RIT2: variants seen among roughly 807,000 people sequenced by gnomAD.
RIT2 encodes the protein Ras like without CAAX 2.
Under a neutral mutation model 23.7 loss-of-function variants are expected in RIT2, and 24 were observed. The ratio of observed to expected loss-of-function variants is 1.01; its 90% confidence interval spans 0.73 to 1.43. RIT2 has a LOEUF of 1.43. Among genes scored for constraint, RIT2 ranks in the 40% most tolerant of loss-of-function variants. The pLI, the probability that RIT2 is intolerant of heterozygous loss-of-function variation, is 0.00. For synonymous variants in RIT2, 107 were observed against 91.1 expected (o/e 1.17, Z -0.99); for missense variants, 236 against 266.9 (o/e 0.88, Z 0.81).
At chr18:42,994,418 A>G (rs1910929543) in intron 2 of RIT2, among the ~76,000 whole-genome samples, 2 of 152,180 alleles carry the variant, frequency 1.3e-5, no homozygotes, top group Non-Finnish European at 2.9e-5. Context: ...CTTCCTAGGC[A>G]TGGTTGGATA....
intron 4 of RIT2, among the ~76,000 whole-genome samples, chr18:42,875,031 T>C (rs937115368): frequency 1.3e-5 from 2 of 152,130 alleles, no homozygotes; most frequent in African/African-American, 4.8e-5. Context: ...AGAACCAGAA[T>C]AGTCAGCATG....
intron 3 of RIT2, among the ~76,000 whole-genome samples, chr18:42,930,427 C>G (rs1909298865): frequency 6.6e-6 from 1 of 151,870 alleles, no homozygotes; most frequent in African/African-American, 2.4e-5. Context: ...AAACGTATCT[C>G]ACATTAGATA....
chr18:42,775,983 T>C (rs1393516689), intron 4 of RIT2, among the ~76,000 whole-genome samples: 2 of 152,136 alleles, frequency 1.3e-5, no homozygotes, highest in Non-Finnish European at 2.9e-5. Context: ...AGGCAATAAA[T>C]TGATGTGATG....
At chr18:43,006,486 A>G (rs1417965037) in intron 2 of RIT2, among the ~76,000 whole-genome samples, 1 of 151,604 alleles carries the variant, frequency 6.6e-6, no homozygotes, top group Non-Finnish European at 1.5e-5. Context: ...CAAGATATTA[A>G]ATAACATAAA....
At chr18:42,925,009 A>G (rs1360266009) in intron 3 of RIT2, among the ~76,000 whole-genome samples, 1 of 152,036 alleles carries the variant, frequency 6.6e-6, no homozygotes, top group Non-Finnish European at 1.5e-5. Context: ...TCAAGCAATC[A>G]TTTCTAAGTT....
At chr18:43,073,015 A>G (rs1912933039) in intron 1 of RIT2, among the ~76,000 whole-genome samples, 1 of 152,120 alleles carries the variant, frequency 6.6e-6, no homozygotes, top group Admixed American at 6.5e-5. Context: ...AACGGATCCC[A>G]TGTGTCTGAA....
intron 4 of RIT2, among the ~76,000 whole-genome samples, chr18:42,790,291 A>G (rs548651777): frequency 6.6e-6 from 1 of 152,298 alleles, no homozygotes; most frequent in African/African-American, 2.4e-5. Context: ...TTCCTATTCA[A>G]ATAACACCCG....
At chr18:43,077,799 A>C (rs1471840180) in intron 1 of RIT2, among the ~76,000 whole-genome samples, 2 of 152,166 alleles carry the variant, frequency 1.3e-5, no homozygotes, top group Non-Finnish European at 2.9e-5. Flanking sequence ...TCTTTATTAG[A>C]TGTTATTAGA....
chr18:43,111,771 T>C lies in RIT2; in HGVS notation c.103+3646A>G, dbSNP rs1189361142. ...TGCAGTTTTGATTCAGCTTACTCTG[T>C]GTAAAAATTGGGGAGTGATGGAAAA... On this transcript the variant is annotated intron_variant, in intron 1 of 4. Coordinates refer to ENST00000326695, the MANE Select transcript of RIT2 (RefSeq NM_002930.4). Among the ~76,000 whole-genome samples the C allele has an allele frequency of 3.3e-5, 5 of 152,146 alleles. No individual in the cohort carries two copies. In the East Asian group the frequency reaches 9.6e-4, roughly 29 times the overall value.
At chr18:42,969,529 G>T in intron 3 of RIT2, among the ~76,000 whole-genome samples, 1 of 151,976 alleles carries the variant, frequency 6.6e-6, no homozygotes, top group African/African-American at 2.4e-5. Context: ...TACAGGACTT[G>T]CTTGACTGCA....
chr18:42,987,104 T>C (rs915332363), intron 2 of RIT2, among the ~76,000 whole-genome samples: 1 of 152,176 alleles, frequency 6.6e-6, no homozygotes, highest in Non-Finnish European at 1.5e-5. Context: ...GCAGGCTGAA[T>C]TATTGGTTTC....
intron 1 of RIT2, among the ~76,000 whole-genome samples, chr18:43,091,189 T>G (rs530236212): frequency 6.6e-6 from 1 of 151,912 alleles, no homozygotes; most frequent in Non-Finnish European, 1.5e-5. Flanking sequence ...ACTATTTATT[T>G]AATGTATATA....
At chr18:43,070,184 C>T (rs80059782) in intron 1 of RIT2, among the ~76,000 whole-genome samples, 9,412 of 152,030 alleles carry the variant, frequency 0.062, 497 homozygotes, top group East Asian at 0.25. Flanking sequence ...TAATTTTTCA[C>T]GGCTCTATTT....
intron 4 of RIT2, among the ~76,000 whole-genome samples, chr18:42,800,654 C>G (rs952506914): frequency 1.3e-5 from 2 of 152,022 alleles, no homozygotes; most frequent in Non-Finnish European, 2.9e-5. Context: ...CTCAGCCTCC[C>G]GAGTAGCTGG....
intron 3 of RIT2, among the ~76,000 whole-genome samples, chr18:42,959,628 C>A (rs528603042): frequency 1.5e-4 from 23 of 152,292 alleles, no homozygotes; most frequent in Non-Finnish European, 3.1e-4. Context: ...TCCTAACAGG[C>A]TCTGGGGACC....
In RIT2 at chr18:43,115,535, G is replaced by A. The variant is rs1375480945; in HGVS notation, c.-16C>T. ...CTACCTCCATCTTACCCGAGGGACC[G>A]GAGGAAAAAAAGAAGGAGAAAGTCA... On this transcript the variant is annotated 5_prime_UTR_variant, in exon 1 of 5. Transcript: ENST00000326695. 3 of 1,600,362 alleles carry A rather than the reference G, an allele frequency of 1.9e-6. No homozygotes were observed. The highest frequency in any genetic ancestry group is 3.3e-4 in the Middle Eastern group (2 of 5,994).
intron 1 of RIT2, among the ~76,000 whole-genome samples, chr18:43,088,900 C>A (rs923979244): frequency 4.6e-5 from 7 of 152,046 alleles, no homozygotes; most frequent in African/African-American, 1.7e-4. Flanking sequence ...ACGGAAAAAA[C>A]ATGAGGCAAA....
intron 2 of RIT2, among the ~76,000 whole-genome samples, chr18:43,024,634 G>A (rs1365886590): frequency 6.6e-6 from 1 of 151,862 alleles, no homozygotes; most frequent in African/African-American, 2.4e-5. Flanking sequence ...ACAACCTGCA[G>A]GACAGGAGAA....
intron 2 of RIT2, among the ~76,000 whole-genome samples, chr18:43,009,227 G>T (rs962487897): frequency 6.6e-6 from 1 of 151,504 alleles, no homozygotes; most frequent in African/African-American, 2.4e-5. Context: ...AAATATACAC[G>T]TCAGTCACAA....
Sources: allele counts gnomAD v4.1 joint callset (sites outside exome capture counted in the v4.1 genomes callset), GRCh38; gene constraint gnomAD v4.1.1; transcripts MANE v1.5; gene names NCBI Gene and HGNC (gene_info 2026-07-23, HGNC 2026-07-21).